MLIP: variants seen among roughly 807,000 people sequenced by gnomAD.
The protein encoded by MLIP is muscular LMNA interacting protein.
A neutral mutation model predicts 84.8 loss-of-function variants in MLIP; 79 were observed. The observed-to-expected ratio is 0.93, with a 90% CI of 0.78 to 1.12. The LOEUF is 1.12. Among genes scored for constraint, MLIP ranks in the 50% most tolerant of loss-of-function variants. MLIP has a pLI of 0.00. For missense variants in MLIP, 1,257 were observed against 1,160.6 expected, an observed-to-expected ratio of 1.08 and a Z score of -1.21; for synonymous variants, 504 against 463.0, an observed-to-expected ratio of 1.09 and a Z score of -1.14.
At chr6:54,106,506 C>T (rs983918530), upstream of MLIP, among the ~76,000 whole-genome samples, 1 of 152,148 alleles carries the variant, frequency 6.6e-6, no homozygotes, top group Non-Finnish European at 1.5e-5. Flanking sequence ...GCAGGTTCCG[C>T]TACTGGGATG....
intron 11 of MLIP, among the ~76,000 whole-genome samples, chr6:54,221,860 A>G (rs1266340527): frequency 2.6e-5 from 4 of 152,178 alleles, no homozygotes; most frequent in Admixed American, 2.0e-4. Flanking sequence ...TTAAGCTAAA[A>G]AAGAAAACCT....
At chr6:54,201,355 A>C (rs1228877470) in intron 10 of MLIP, among the ~76,000 whole-genome samples, 1 of 152,174 alleles carries the variant, frequency 6.6e-6, no homozygotes, top group Non-Finnish European at 1.5e-5. Context: ...AAATTCATGT[A>C]GGCCCCTGGA....
chr6:54,079,596 A>G (rs909982836), intron 1 of MLIP: 1 of 152,214 alleles, frequency 6.6e-6, no homozygotes, highest in Non-Finnish European at 1.5e-5. Context: ...TTTCACATAT[A>G]TAAGTAGGGC....
intron 1 of MLIP, among the ~76,000 whole-genome samples, chr6:54,116,343 A>T (rs2150418070): frequency 6.6e-6 from 1 of 152,344 alleles, no homozygotes; most frequent in Non-Finnish European, 1.5e-5. Context: ...AAAACAAAGA[A>T]TTGGTTTTTG....
chr6:54,032,823 T>A (rs1354381243), intron 1 of MLIP, among the ~76,000 whole-genome samples: 2 of 152,166 alleles, frequency 1.3e-5, no homozygotes, highest in Non-Finnish European at 2.9e-5. Context: ...CAAAGAGGGA[T>A]CATTTTTTGG....
chr6:54,207,456 G>A (rs2792647), intron 11 of MLIP, among the ~76,000 whole-genome samples: 134,144 of 146,488 alleles, frequency 0.92, 62,492 homozygotes, highest in East Asian at 1. Context: ...TTTTATGTGT[G>A]CATCAAGTTT....
intron 8 of MLIP, among the ~76,000 whole-genome samples, chr6:54,162,683 A>G (rs1774772938): frequency 6.6e-6 from 1 of 151,920 alleles, no homozygotes; most frequent in South Asian, 2.1e-4. Flanking sequence ...CTCTGTTTTG[A>G]GGATAGACAA....
rs978266361 is a variant in MLIP at position 54,212,523 on chromosome 6, A to G, written c.2718+10290A>G. 7.2e-5 allele frequency among the ~76,000 whole-genome samples: 11 copies of G among 152,268 alleles called. No individual in the cohort carries two copies. In the South Asian group the frequency reaches 2.1e-3, roughly 29 times the overall value. On this transcript the variant is annotated intron_variant, in intron 11 of 13. Transcript: ENST00000502396. ...ACCCAGCTCTACAGGGTTTACTATG[A>G]TGTGCAGGTGTATGTGTGCCTGTGT...
chr6:54,237,469 A>G (rs1464219133), intron 12 of MLIP, among the ~76,000 whole-genome samples: 1 of 152,128 alleles, frequency 6.6e-6, no homozygotes, highest in East Asian at 1.9e-4. Flanking sequence ...TATTGTATGT[A>G]TCTGTACAAA....
intron 10 of MLIP, among the ~76,000 whole-genome samples, chr6:54,191,586 C>T (rs574722110): frequency 6.6e-6 from 1 of 152,094 alleles, no homozygotes; most frequent in Non-Finnish European, 1.5e-5. Context: ...GTCAAAAGTC[C>T]GGGAGTCTGG....
At chr6:54,120,426 A>G (rs1770345702) in intron 1 of MLIP, among the ~76,000 whole-genome samples, 2 of 151,846 alleles carry the variant, frequency 1.3e-5, no homozygotes, top group Admixed American at 6.6e-5. Context: ...TTTAATAGAG[A>G]TGGGGTTTCA....
chr6:54,080,446 T>C (rs1767065237), intron 1 of MLIP, among the ~76,000 whole-genome samples: 1 of 149,636 alleles, frequency 6.7e-6, no homozygotes, highest in South Asian at 2.1e-4. Context: ...ATTAATTTTA[T>C]ACTGTAAAAA....
At chr6:54,214,599 C>T (rs1779719165) in intron 11 of MLIP, among the ~76,000 whole-genome samples, 1 of 152,200 alleles carries the variant, frequency 6.6e-6, no homozygotes, top group Non-Finnish European at 1.5e-5. Context: ...GTTTGATGTC[C>T]TAGCTCCTAG....
chr6:54,199,520 A>G (rs533265305), intron 10 of MLIP, among the ~76,000 whole-genome samples: 1 of 152,118 alleles, frequency 6.6e-6, no homozygotes, highest in Non-Finnish European at 1.5e-5. Flanking sequence ...GTTTTGAAGC[A>G]CATGAAAAGG....
chr6:54,182,801 A>C (rs565361327), intron 9 of MLIP, among the ~76,000 whole-genome samples: 2 of 152,324 alleles, frequency 1.3e-5, no homozygotes, highest in East Asian at 3.9e-4. Context: ...AACCTCTGAA[A>C]ATAGGGTAGT....
chr6:54,262,845 C>G (rs779252482), intron 13 of MLIP, among the ~76,000 whole-genome samples: 1 of 151,986 alleles, frequency 6.6e-6, no homozygotes, highest in Non-Finnish European at 1.5e-5. Flanking sequence ...AAGAATTAAG[C>G]CTTTCTTTTT....
intron 1 of MLIP, chr6:54,046,313 C>A (rs563423140): frequency 6.0e-5 from 9 of 149,088 alleles, no homozygotes; most frequent in Non-Finnish European, 1.2e-4. Context: ...TAAGAAAACT[C>A]ATTTTTTATT....
intron 8 of MLIP, among the ~76,000 whole-genome samples, chr6:54,161,711 A>G (rs1774657838): frequency 6.6e-6 from 1 of 151,970 alleles, no homozygotes; most frequent in African/African-American, 2.4e-5. Context: ...GAATATTATC[A>G]ATAAATATCC....
At chr6:54,072,517 A>G (rs1024616772) in intron 1 of MLIP, among the ~76,000 whole-genome samples, 1 of 152,168 alleles carries the variant, frequency 6.6e-6, no homozygotes, top group Non-Finnish European at 1.5e-5. Context: ...CCTATGATTC[A>G]GGCATCTGTC....
Sources: gnomAD v4.1 joint callset for allele counts (sites outside exome capture counted in the v4.1 genomes callset) on GRCh38, gnomAD v4.1.1 for gene constraint, MANE v1.5 for transcripts, NCBI Gene and HGNC (gene_info 2026-07-23, HGNC 2026-07-21) for gene names.